The following RRP1B variants were observed in gnomAD, a reference collection of about 807,000 sequenced individuals.
The protein encoded by RRP1B is ribosomal RNA processing protein 1 homolog B.
A neutral mutation model predicts 80.2 loss-of-function variants in RRP1B; 56 were observed. The observed-to-expected ratio is 0.70, with a 90% CI of 0.56 to 0.87. The LOEUF (loss-of-function observed/expected upper bound fraction) is 0.87. Among genes scored for constraint, RRP1B ranks in the 40% least tolerant of loss-of-function variants. The pLI, the probability that RRP1B is intolerant of heterozygous loss-of-function variation, is 0.00. For missense variants in RRP1B, 807 were observed against 939.8 expected (o/e 0.86, Z 1.85); for synonymous variants, 351 against 357.6 (o/e 0.98, Z 0.21).
intron 1 of RRP1B, among the ~76,000 whole-genome samples, chr21:43,665,476 T>C (rs1393769162): frequency 6.6e-6 from 1 of 152,228 alleles, no homozygotes; most frequent in Non-Finnish European, 1.5e-5. Context: ...TAAACGTGTT[T>C]TTATTAGTTA....
rs1269161759 is a variant in RRP1B, at chr21:43,687,797, C to T, written c.1423C>T (p.Pro475Ser). The change falls in exon 13 of 16, where the codon CCA becomes TCA. Residue 475 changes from proline (P) to serine (S), a missense_variant. By Grantham distance (74) the Pro-to-Ser change is moderately conservative (BLOSUM62 -1). Coordinates refer to ENST00000340648, the MANE Select transcript of RRP1B (RefSeq NM_015056.3). ...CCCCATGCACAATAAAAGGAAACGG[C>T]CACGGAAGAAGAGCCCGAGGGCCCA... ...AVPMHNKRKR[P>S]RKKSPRAHRE... 7.4e-6 allele frequency: 12 copies of T among 1,613,286 alleles called. No homozygotes were observed. Among genetic ancestry groups the T allele is most frequent in the Middle Eastern group, 1.6e-4 (1 of 6,062 alleles).
intron 13 of RRP1B, among the ~76,000 whole-genome samples, chr21:43,689,801 C>A (rs372031690): frequency 8.0e-4 from 122 of 152,372 alleles, no homozygotes; most frequent in African/African-American, 2.9e-3. Flanking sequence ...CTGGGCTGCC[C>A]ACACCTCTGA....
At chr21:43,668,399 C>T (rs2082986933) in intron 1 of RRP1B, among the ~76,000 whole-genome samples, 1 of 148,434 alleles carries the variant, frequency 6.7e-6, no homozygotes, top group East Asian at 2.0e-4. Flanking sequence ...CTCGCTCTGT[C>T]GCCCAGGCTG....
At position 43,659,878 on chromosome 21, in the gene RRP1B, T is replaced by C; in HGVS notation, c.130+84T>C. On this transcript the variant is annotated intron_variant, in intron 1 of 15. Coordinates refer to ENST00000340648, the MANE Select transcript of RRP1B (RefSeq NM_015056.3). This position sits in a 1 kb window ranked among gnomAD's most constrained non-coding sequence, Gnocchi z 4.2. ...CTAGGGCCAGGGCCCCGGCACGGAA[T>C]GCGGCTTCCACGTGTTGTCGTGACA... 1 of 1,332,256 alleles carries C rather than the reference T, an allele frequency of 7.5e-7. No homozygotes were observed. The highest frequency in any genetic ancestry group is 9.7e-7 in the Non-Finnish European group (1 of 1,027,744). The allele number at this position is 1,332,256 out of a possible 1,614,324, so 82.5% of individuals were successfully genotyped here. A position where few individuals can be genotyped will look rare whatever the true frequency, so the allele number is the denominator to read the frequency against.
chr21:43,688,850 CA>C (rs1245660705), intron 13 of RRP1B, among the ~76,000 whole-genome samples: 2 of 152,196 alleles, frequency 1.3e-5, no homozygotes, highest in African/African-American at 2.4e-5. Context: ...AGTGCGGTGG[CA>C]CAATCTCGGC....
Position 43,693,350 on chromosome 21 carries a change from AAGG to A in RRP1B, c.2247_2249del (p.Arg751del). The stretch of plus-strand genomic sequence containing the variant: ...CCAAGAAGCCCCTGACCACCACACC[AAGG>A]AGAAGGCCCAGGGCTATGGATTTCT... On this transcript the variant is annotated inframe_deletion, in exon 16 of 16. Coordinates refer to ENST00000340648, the MANE Select transcript of RRP1B (RefSeq NM_015056.3). The surrounding 1 kb of genome is among the most constrained non-coding windows in gnomAD (Gnocchi z 4.1). 1 of 1,603,160 alleles carries A rather than the reference AAGG, an allele frequency of 6.2e-7. No individual in the cohort carries two copies. The highest frequency in any genetic ancestry group is 2.2e-5 in the East Asian group (1 of 44,568).
chr21:43,672,967 G>A (rs755529642), intron 3 of RRP1B, among the ~76,000 whole-genome samples: 16 of 152,006 alleles, frequency 1.1e-4, no homozygotes, highest in African/African-American at 9.7e-5. Context: ...GATTTACAAA[G>A]ATGAAAAAAG....
At chr21:43,671,542 A>T (rs985149042) in intron 2 of RRP1B, among the ~76,000 whole-genome samples, 5 of 151,012 alleles carry the variant, frequency 3.3e-5, no homozygotes, top group African/African-American at 1.2e-4. Context: ...TAATTTTTGT[A>T]TTTTTTGTAG....
Position 43,673,952 on chromosome 21 carries a change from T to C in RRP1B, c.354T>C (p.Tyr118=), listed in dbSNP as rs747858909. Residue 118 remains tyrosine (Y), a synonymous_variant, in exon 4 of 16, where the codon TAT becomes TAC. Transcript: ENST00000340648. ...ACAGGCTACGCCTGGACAAATACTATATGGTAAGATCTGCCGCAGTTACTT... is the reference window on the plus strand; with the variant it reads ...ACAGGCTACGCCTGGACAAATACTACATGGTAAGATCTGCCGCAGTTACTT... ...GIDRLRLDKY[Y]MLIRLVLRQS... 6.8e-6 allele frequency: 11 copies of C among 1,606,682 alleles called. No individual in the cohort carries two copies. In the African/African-American group the frequency reaches 1.3e-4, roughly 20 times the overall value.
At chr21:43,660,517 G>A (rs2082948572) in intron 1 of RRP1B, among the ~76,000 whole-genome samples, 2 of 152,180 alleles carry the variant, frequency 1.3e-5, no homozygotes, top group Non-Finnish European at 2.9e-5. Context: ...AGCCGAGATC[G>A]CAGCATTGCA....
At chr21:43,686,709 A>G in intron 11 of RRP1B, 95 bp from the exon 12 acceptor site, 1 of 1,421,530 alleles carries the variant, frequency 7.0e-7, no homozygotes, top group Non-Finnish European at 9.7e-7. Context: ...AACGATGATG[A>G]TGAGGCAGAA....
At chr21:43,679,592 C>T (rs2083035583) in intron 8 of RRP1B, among the ~76,000 whole-genome samples, 1 of 152,142 alleles carries the variant, frequency 6.6e-6, no homozygotes, top group African/African-American at 2.4e-5. Context: ...ATTCTTTTTG[C>T]TTAGTCTTGC....
In RRP1B at chr21:43,690,514, C is replaced by T. The variant is rs1029297482; in HGVS notation, c.2019+74C>T. 2.0e-6 allele frequency: 3 copies of T among 1,526,836 alleles called. No individual in the cohort carries two copies. The African/African-American group carries it at 4.1e-5, about 21-fold the overall frequency. The allele number at this position is 1,526,836 out of a possible 1,614,324, so 94.6% of individuals were successfully genotyped here. A position where few individuals can be genotyped will look rare whatever the true frequency, so the allele number is the denominator to read the frequency against. ...AGATGGGCTTGAGCTGACAGTGCTT[C>T]CCATGCCGGGCCTGGAGCCCCACTG... is the stretch of plus-strand genomic sequence containing the variant. On this transcript the variant is annotated intron_variant, in intron 14 of 15. Coordinates refer to ENST00000340648, the MANE Select transcript of RRP1B (RefSeq NM_015056.3).
At chr21:43,660,777 G>A (rs1199267877) in intron 1 of RRP1B, among the ~76,000 whole-genome samples, 4 of 152,158 alleles carry the variant, frequency 2.6e-5, no homozygotes, top group South Asian at 2.1e-4. Flanking sequence ...TTGGGGTTGG[G>A]GGGGCGAGTG....
At chr21:43,692,139 T>C (rs546831106) in intron 15 of RRP1B, among the ~76,000 whole-genome samples, 18 of 152,302 alleles carry the variant, frequency 1.2e-4, no homozygotes, top group African/African-American at 4.1e-4. Flanking sequence ...AGCCGTCCCA[T>C]AGAGAGGCCA....
chr21:43,660,783 G>T (rs2082951578), intron 1 of RRP1B, among the ~76,000 whole-genome samples: 1 of 152,106 alleles, frequency 6.6e-6, no homozygotes, highest in Non-Finnish European at 1.5e-5. Context: ...TTGGGGGGGC[G>T]AGTGTTATGA....
intron 8 of RRP1B, among the ~76,000 whole-genome samples, chr21:43,678,996 A>G (rs1257727537): frequency 6.6e-6 from 1 of 152,138 alleles, no homozygotes; most frequent in East Asian, 1.9e-4. Context: ...CCCCAGCACC[A>G]TTTTTGAATA....
rs1220372061 is a variant in RRP1B at position 43,693,542 on chromosome 21, C to T, written c.*159C>T. The T allele has an allele frequency of 6.5e-6, 4 of 616,286 alleles. No individual in the cohort carries two copies. The highest frequency in any genetic ancestry group is 1.0e-5 in the Non-Finnish European group (4 of 383,956). The allele number at this position is 616,286 out of a possible 1,614,324, so 38.2% of individuals were successfully genotyped here. A position where few individuals can be genotyped will look rare whatever the true frequency, so the allele number is the denominator to read the frequency against. ...CGCAGGCTGCTGCGTCCTGGCCCCT[C>T]TGTAGTGGCTGCGGGCGTCTTGGTT... is the stretch of plus-strand genomic sequence containing the variant. On this transcript the variant is annotated 3_prime_UTR_variant, in exon 16 of 16. Transcript: ENST00000340648. The surrounding 1 kb of genome is among the most constrained non-coding windows in gnomAD (Gnocchi z 4.1).
At chr21:43,684,765 A>G in intron 10 of RRP1B, 115 bp downstream of exon 10, 1 of 840,604 alleles carries the variant, frequency 1.2e-6, no homozygotes, top group Non-Finnish European at 1.9e-6. Flanking sequence ...TTGTCCTTTA[A>G]TGCTTTTGTG....
Sources: gnomAD v4.1 joint callset for allele counts (sites outside exome capture counted in the v4.1 genomes callset) on GRCh38, gnomAD v4.1.1 for gene constraint, Gnocchi (gnomAD v3.1) non-coding constraint, MANE v1.5 for transcripts, NCBI Gene and HGNC (gene_info 2026-07-23, HGNC 2026-07-21) for gene names.